The following HEMK2 variants were observed in gnomAD, a reference collection of about 807,000 sequenced individuals.
HEMK2 encodes the protein methyltransferase HEMK2.
chr21:28,697,598 AT>A, the HEMK2 span, among the ~76,000 whole-genome samples: 1 of 152,052 alleles, frequency 6.6e-6, no homozygotes, highest in East Asian at 1.9e-4. Flanking sequence ...TTCTCACTCT[AT>A]TAGTTTCCAC....
the HEMK2 span, among the ~76,000 whole-genome samples, chr21:28,595,390 T>C: frequency 1.3e-5 from 2 of 152,024 alleles, no homozygotes; most frequent in South Asian, 2.1e-4. Flanking sequence ...ATGGGTTCAA[T>C]TGTGTGATTT....
chr21:28,714,991 G>A, the HEMK2 span, among the ~76,000 whole-genome samples: 1 of 152,034 alleles, frequency 6.6e-6, no homozygotes, highest in African/African-American at 2.4e-5. Flanking sequence ...TTATAGCTTT[G>A]TAACATTCCA....
At chr21:28,610,189 T>A in the HEMK2 span, among the ~76,000 whole-genome samples, 1 of 152,198 alleles carries the variant, frequency 6.6e-6, no homozygotes, top group African/African-American at 2.4e-5. Flanking sequence ...GAAAACCCTG[T>A]CTGATTAACA....
chr21:28,865,699 T>C, the HEMK2 span, among the ~76,000 whole-genome samples: 2 of 152,174 alleles, frequency 1.3e-5, no homozygotes, highest in Non-Finnish European at 2.9e-5. Flanking sequence ...TCTCTAGGCC[T>C]TTCCATGCAC....
At chr21:28,817,521 T>G in the HEMK2 span, among the ~76,000 whole-genome samples, 2 of 152,214 alleles carry the variant, frequency 1.3e-5, no homozygotes, top group Non-Finnish European at 2.9e-5. Context: ...GGGAACACTC[T>G]TCTCTTATTT....
chr21:28,619,229 C>T, the HEMK2 span, among the ~76,000 whole-genome samples: 2 of 152,182 alleles, frequency 1.3e-5, no homozygotes, highest in East Asian at 1.9e-4. Context: ...AGCTTGGAGA[C>T]GATACATGAC....
chr21:28,641,304 T>C, the HEMK2 span, among the ~76,000 whole-genome samples: 2 of 152,186 alleles, frequency 1.3e-5, no homozygotes, highest in African/African-American at 2.4e-5. Context: ...GGTGATGTTT[T>C]GAACTGAAGA....
chr21:28,839,607 C>T, the HEMK2 span, among the ~76,000 whole-genome samples: 2 of 152,014 alleles, frequency 1.3e-5, no homozygotes, highest in Non-Finnish European at 2.9e-5. Flanking sequence ...ATCAAGAACA[C>T]AACCCCTTTT....
chr21:28,710,450 G>T, the HEMK2 span, among the ~76,000 whole-genome samples: 1 of 151,926 alleles, frequency 6.6e-6, no homozygotes, highest in Non-Finnish European at 1.5e-5. Context: ...TTAAAAAATG[G>T]TGCAGATGTA....
At chr21:28,707,498 CA>C in the HEMK2 span, among the ~76,000 whole-genome samples, 1 of 151,972 alleles carries the variant, frequency 6.6e-6, no homozygotes, top group African/African-American at 2.4e-5. Flanking sequence ...TCAAGTAATC[CA>C]CCTGCCTCGG....
the HEMK2 span, among the ~76,000 whole-genome samples, chr21:28,651,780 T>C: frequency 1.3e-5 from 2 of 152,202 alleles, no homozygotes; most frequent in African/African-American, 2.4e-5. Context: ...TGCCATGTTA[T>C]TAACATGCCA....
chr21:28,636,958 T>C, the HEMK2 span, among the ~76,000 whole-genome samples: 1 of 152,318 alleles, frequency 6.6e-6, no homozygotes, highest in African/African-American at 2.4e-5. Context: ...CAGACAAACC[T>C]GAAATCTTAA....
chr21:28,876,743 T>C, the HEMK2 span, among the ~76,000 whole-genome samples: 2 of 152,238 alleles, frequency 1.3e-5, no homozygotes, highest in Admixed American at 6.5e-5. Flanking sequence ...TACTTTTGAC[T>C]CAGCAGAAAC....
the HEMK2 span, among the ~76,000 whole-genome samples, chr21:28,786,320 C>A: frequency 6.6e-6 from 1 of 152,184 alleles, no homozygotes; most frequent in Non-Finnish European, 1.5e-5. Flanking sequence ...ACATTATTCA[C>A]CCATAGGTCA....
the HEMK2 span, chr21:28,878,437 C>A: frequency 7.5e-7 from 1 of 1,341,984 alleles, no homozygotes; most frequent in Non-Finnish European, 1.1e-6. Flanking sequence ...ATATATTTTG[C>A]ATTTTACTGC....
At chr21:28,636,109 C>T in the HEMK2 span, among the ~76,000 whole-genome samples, 1 of 152,124 alleles carries the variant, frequency 6.6e-6, no homozygotes, top group African/African-American at 2.4e-5. Context: ...TCATTCGGGA[C>T]CTTTATTACT....
chr21:28,793,292 T>C, the HEMK2 span, among the ~76,000 whole-genome samples: 122 of 152,360 alleles, frequency 8.0e-4, 1 homozygote, highest in African/African-American at 2.9e-3. Context: ...TCAACTTTTA[T>C]TAATGACAAA....
chr21:28,734,604 G>A, the HEMK2 span, among the ~76,000 whole-genome samples: 58,936 of 151,814 alleles, frequency 0.39, 12,996 homozygotes, highest in African/African-American at 0.6. Context: ...CTTTGATATG[G>A]CCCATGGAAT....
the HEMK2 span, among the ~76,000 whole-genome samples, chr21:28,639,282 T>C: frequency 1.4e-4 from 21 of 152,234 alleles, no homozygotes; most frequent in Non-Finnish European, 2.5e-4. Context: ...TATGTGTTTA[T>C]TGAATTATCT....
Sources: gnomAD v4.1 joint callset for allele counts (sites outside exome capture counted in the v4.1 genomes callset) on GRCh38, gnomAD v4.1.1 for gene constraint, MANE v1.5 for transcripts, NCBI Gene and HGNC (gene_info 2026-07-23, HGNC 2026-07-21) for gene names.